Variants in C16orf89 observed in about 807,000 individuals in gnomAD.
C16orf89 encodes chromosome 16 open reading frame 89.
A neutral mutation model predicts 41.5 loss-of-function variants in C16orf89; 57 were observed. That is an observed-to-expected ratio of 1.38 (90% confidence interval 1.11 to 1.71). The LOEUF is 1.71. Among genes scored for constraint, C16orf89 ranks in the 40% most tolerant of loss-of-function variants. C16orf89 has a pLI of 0.00. For synonymous variants in C16orf89, 223 were observed against 190.6 expected, an observed-to-expected ratio of 1.17 and a Z score of -1.40; for missense variants, 575 against 445.9, an observed-to-expected ratio of 1.29 and a Z score of -2.61.
chr16:5,059,867 G>A (rs1303845787), intron 3 of C16orf89, among the ~76,000 whole-genome samples: 1 of 151,448 alleles, frequency 6.6e-6, no homozygotes. Context: ...GGATGCTGGC[G>A]CCAGCCCTGG....
intron 7 of C16orf89, among the ~76,000 whole-genome samples, chr16:5,045,990 G>A (rs889713488): frequency 9.9e-5 from 15 of 152,232 alleles, no homozygotes; most frequent in Admixed American, 6.5e-4. Context: ...CTCTGGGGAC[G>A]GGCAGCTGAC....
chr16:5,048,305 A>T (rs552463310), intron 6 of C16orf89, among the ~76,000 whole-genome samples: 5 of 152,220 alleles, frequency 3.3e-5, no homozygotes, highest in Non-Finnish European at 5.9e-5. Context: ...AAAGTACTGG[A>T]TTATATGTGT....
chr16:5,060,171 G>C, intron 3 of C16orf89, 115 bp downstream of exon 3: 1 of 1,299,318 alleles, frequency 7.7e-7, no homozygotes, highest in Non-Finnish European at 1.0e-6. Flanking sequence ...CTGCACCTGT[G>C]TCTGCACAAA....
chr16:5,063,952 C>A (rs1464097731), intron 1 of C16orf89, among the ~76,000 whole-genome samples: 1 of 151,996 alleles, frequency 6.6e-6, no homozygotes, highest in Admixed American at 6.6e-5. Flanking sequence ...CATGGTAAAA[C>A]CTCATCTCTA....
intron 6 of C16orf89, among the ~76,000 whole-genome samples, chr16:5,049,020 A>G (rs973664514): frequency 6.6e-6 from 1 of 152,238 alleles, no homozygotes; most frequent in African/African-American, 2.4e-5. Context: ...TGAAAGAGTG[A>G]GAAAAGATCT....
Position 5,060,395 on chromosome 16 carries a change from G to T in C16orf89, c.400C>A (p.His134Asn), listed in dbSNP as rs1596702993. Residue 134 changes from histidine (H) to asparagine (N), a missense_variant, in exon 3 of 8, where the codon CAT becomes AAT. Coordinates refer to ENST00000472572, the MANE Select transcript of C16orf89 (RefSeq NM_001098514.3). ...GAGGCATCAGTGTGGATCCAGGCAT[G>T]TGGGAGCTTCCAAAACCCGGGCTGG... ...TLQPGFWKLP[H>N]AWIHTDASLV... 1 of 1,613,150 alleles carries T rather than the reference G, an allele frequency of 6.2e-7. No individual in the cohort carries two copies. Among genetic ancestry groups the T allele is most frequent in the African/African-American group, 1.3e-5 (1 of 74,868 alleles).
rs752763866 is a variant in C16orf89, at chr16:5,058,553, C to A, written c.567G>T (p.Lys189Asn). 5.8e-5 allele frequency: 94 copies of A among 1,612,758 alleles called. No homozygotes were observed. The highest frequency in any genetic ancestry group is 7.7e-5 in the Non-Finnish European group (91 of 1,179,968). ...LSDLCRSLMTKPGCSGYCLSH... is the reference protein window; with the variant it reads ...LSDLCRSLMTNPGCSGYCLSH... ...ACAGGCAGTAGCCTGAGCAGCCGGG[C>A]TTGGTCATGAGGCTCCTGCAGAGGT... is the stretch of plus-strand genomic sequence containing the variant. The change falls in exon 4 of 8, where the codon AAG (lysine) becomes AAT (asparagine). Residue 189 changes from lysine to asparagine, a missense_variant. Lys to Asn is a moderately conservative substitution (Grantham distance 94). Transcript: ENST00000472572.
chr16:5,061,850 C>T (rs558062800), intron 2 of C16orf89, among the ~76,000 whole-genome samples: 14 of 152,168 alleles, frequency 9.2e-5, no homozygotes, highest in East Asian at 1.9e-4. Flanking sequence ...ATTTGTGCCC[C>T]GCCCTTGCCA....
intron 6 of C16orf89, among the ~76,000 whole-genome samples, chr16:5,052,950 A>G (rs899895952): frequency 2.0e-5 from 3 of 152,236 alleles, no homozygotes; most frequent in African/African-American, 4.8e-5. Flanking sequence ...CACCATAAAA[A>G]TAACCAAATT....
chr16:5,056,212 C>A, intron 4 of C16orf89, 24 bp from the exon 5 acceptor site: 1 of 1,574,630 alleles, frequency 6.4e-7, no homozygotes, highest in Non-Finnish European at 8.7e-7. Context: ...CACCCAAAGA[C>A]AAGGGAGTCA....
chr16:5,065,204 TG>T (rs1022022029), intron 1 of C16orf89, among the ~76,000 whole-genome samples: 7 of 152,314 alleles, frequency 4.6e-5, no homozygotes, highest in Non-Finnish European at 1.0e-4. Flanking sequence ...GCCCCCTTCT[TG>T]GGGATCTTAT....
chr16:5,062,150 G>A (rs1313570176), intron 2 of C16orf89, among the ~76,000 whole-genome samples: 1 of 152,220 alleles, frequency 6.6e-6, no homozygotes, highest in Non-Finnish European at 1.5e-5. Context: ...TCTAGGACCA[G>A]GACCTCCAGC....
chr16:5,062,500 G>A lies in C16orf89; in HGVS notation c.283C>T (p.Leu95=), dbSNP rs750721151. Reference sequence around the variant, plus strand: ...ATGGCAGCCTCCAGCTTCTCCCCCAGCATCCCCACGCGCAGGCTCAGCGGC... The same window carrying A: ...ATGGCAGCCTCCAGCTTCTCCCCCAACATCCCCACGCGCAGGCTCAGCGGC... The part of the protein sequence containing the change: ...LQPLSLRVGM[L]GEKLEAAIQR... Residue 95 remains leucine, a synonymous_variant, in exon 2 of 8, where the codon CTG becomes TTG. Coordinates refer to ENST00000472572, the MANE Select transcript of C16orf89 (RefSeq NM_001098514.3). 1 of 1,614,006 alleles carries A rather than the reference G, an allele frequency of 6.2e-7. No individual in the cohort carries two copies. The highest frequency in any genetic ancestry group is 2.2e-5 in the East Asian group (1 of 44,880).
rs748291817 is a variant in C16orf89, at chr16:5,060,410, AC to A, written c.384del (p.Trp130GlyfsTer58). 1.2e-6 allele frequency: 2 copies of A among 1,612,810 alleles called. No homozygotes were observed. The highest frequency in any genetic ancestry group is 2.2e-5 in the South Asian group (2 of 91,008). On this transcript the variant is annotated frameshift_variant, in exon 3 of 8. Transcript: ENST00000472572. LOFTEE classifies it high-confidence loss of function. ...LREFQLTLQP[G>X]FWKLPHAWIH... ...ATCCAGGCATGTGGGAGCTTCCAAA[AC>A]CCGGGCTGGAGGGTCAGCTGGAACT...
Position 5,062,537 on chromosome 16 carries a change from C to T in C16orf89, c.246G>A (p.Glu82=). The T allele has an allele frequency of 6.2e-7, 1 of 1,613,502 alleles. No individual in the cohort carries two copies. The highest frequency in any genetic ancestry group is 2.2e-5 in the East Asian group (1 of 44,874). The change falls in exon 2 of 8, where the codon GAG becomes GAA. Residue 82 remains glutamate, a synonymous_variant. Coordinates refer to ENST00000472572, the MANE Select transcript of C16orf89 (RefSeq NM_001098514.3). The part of the protein sequence containing the change: ...LKSVREKWAQ[E]PLLQPLSLRV... The stretch of plus-strand genomic sequence containing the variant: ...GCAGGCTCAGCGGCTGCAGCAGGGG[C>T]TCCTGGGCCCACTTCTCCCGGACAC...
In C16orf89 at chr16:5,052,089, G is replaced by A. The variant is rs1956407496; in HGVS notation, c.868+3157C>T. On this transcript the variant is annotated intron_variant, in intron 6 of 7. Coordinates refer to ENST00000472572, the MANE Select transcript of C16orf89 (RefSeq NM_001098514.3). ...GGCACACCATCCTGGGTGACAGAAC[G>A]AGACTGTCTCAAAAAAAAAAAAAAA... Among the ~76,000 whole-genome samples the A allele has an allele frequency of 1.4e-4, 16 of 114,252 alleles. No individual in the cohort carries two copies. In the Admixed American group the frequency reaches 1.8e-3, roughly 13 times the overall value. The allele number at this position is 114,252 out of a possible 152,430, so 75.0% of individuals were successfully genotyped here. A position where few individuals can be genotyped will look rare whatever the true frequency, so the allele number is the denominator to read the frequency against.
At position 5,056,201 on chromosome 16, in the gene C16orf89, A is replaced by G; in HGVS notation, c.628-13T>C. 1 of 1,578,570 alleles carries G rather than the reference A, an allele frequency of 6.3e-7. No homozygotes were observed. ...GTGTGCACCCCCTCTGGGGAGACAA[A>G]CACCCAAAGACAAGGGAGTCAGTGG... On this transcript the variant is annotated splice_polypyrimidine_tract_variant and intron_variant, in intron 4 of 7. Coordinates refer to ENST00000472572, the MANE Select transcript of C16orf89 (RefSeq NM_001098514.3).
intron 6 of C16orf89, 147 bp downstream of exon 6, chr16:5,055,099 G>C (rs1382682263): frequency 1.4e-6 from 1 of 713,580 alleles, no homozygotes; most frequent in South Asian, 1.9e-5. Context: ...CTCCTTGTGT[G>C]TACACGTCTG....
In C16orf89 at chr16:5,056,075, G is replaced by T. The variant is rs768537438; in HGVS notation, c.741C>A (p.Thr247=). The T allele has an allele frequency of 6.3e-7, 1 of 1,595,976 alleles. No homozygotes were observed. Among genetic ancestry groups the T allele is most frequent in the Non-Finnish European group, 8.6e-7 (1 of 1,164,956 alleles). Residue 247 remains threonine (T), a synonymous_variant, in exon 5 of 8, where the codon ACC becomes ACA. Coordinates refer to ENST00000472572, the MANE Select transcript of C16orf89 (RefSeq NM_001098514.3). ...RAEAIGYAYP[T]RDIFMENIMF... ...TACTGTTTTCCATGAAGATGTCCCG[G>T]GTAGGGTAGGCGTATCCGATGGCCT...
Sources: gnomAD v4.1 joint callset for allele counts (sites outside exome capture counted in the v4.1 genomes callset) on GRCh38, gnomAD v4.1.1 for gene constraint, MANE v1.5 for transcripts, NCBI Gene and HGNC (gene_info 2026-07-23, HGNC 2026-07-21) for gene names.